The following IPO7 variants were observed in gnomAD, a reference collection of about 807,000 sequenced individuals.
The protein encoded by IPO7 is importin-7.
In IPO7, 13 loss-of-function variants were observed where a neutral mutation model predicts 136.4. The ratio of observed to expected loss-of-function variants is 0.10; its 90% CI spans 0.06 to 0.15. The LOEUF is 0.15. Ranked by LOEUF, IPO7 falls within the 10% of genes least tolerant of loss-of-function variation. IPO7 has a pLI of 1.00. For missense variants in IPO7, 857 were observed against 1,240.6 expected, an observed-to-expected ratio of 0.69 and a Z score of 4.65; for synonymous variants, 403 against 404.4, an observed-to-expected ratio of 1.00 and a Z score of 0.04.
chr11:9,408,566 A>T lies in IPO7; in HGVS notation c.247A>T (p.Ile83Phe), dbSNP rs763598868. 6.2e-7 allele frequency: 1 copy of T among 1,610,514 alleles called. No individual in the cohort carries two copies. The highest frequency in any genetic ancestry group is 8.5e-7 in the Non-Finnish European group (1 of 1,177,714). ...ACCAGGGGATATATCCCCTTATACTATTCCAGAAGAAGATCGCCATTGTAT... is the reference window on the plus strand; with the variant it reads ...ACCAGGGGATATATCCCCTTATACTTTTCCAGAAGAAGATCGCCATTGTAT... ...TAPGDISPYT[I>F]PEEDRHCIRE... The change falls in exon 3 of 25, where the codon ATT becomes TTT. Residue 83 changes from isoleucine to phenylalanine, a missense_variant. Ile to Phe is a conservative substitution (Grantham distance 21). Around this residue, in one of 11 missense-constraint regions of IPO7, gnomAD observed 287 missense variants for 307.5 expected, o/e 0.93. Transcript: ENST00000379719.
chr11:9,440,806 G>T, intron 23 of IPO7, 145 bp downstream of exon 23: 2 of 609,916 alleles, frequency 3.3e-6, no homozygotes, highest in Non-Finnish European at 5.8e-6. Context: ...TATTTCTAAG[G>T]TTGCCATAGT....
intron 1 of IPO7, among the ~76,000 whole-genome samples, chr11:9,400,221 A>C (rs1854773531): frequency 6.6e-6 from 1 of 152,118 alleles, no homozygotes; most frequent in Non-Finnish European, 1.5e-5. Context: ...AACATTTTCC[A>C]TCTGTGGTTG....
intron 1 of IPO7, among the ~76,000 whole-genome samples, chr11:9,390,295 G>GT (rs1235921901): frequency 0.051 from 7,313 of 142,618 alleles, 545 homozygotes; most frequent in African/African-American, 0.17. Flanking sequence ...GTGTGTGTGT[G>GT]TTTTTTTTTT....
At chr11:9,410,135 T>TG (rs1854948693) in intron 4 of IPO7, 49 bp downstream of exon 4, 1 of 1,333,244 alleles carries the variant, frequency 7.5e-7, no homozygotes, top group East Asian at 2.7e-5. Context: ...TAGGAAAAGT[T>TG]GGGAAAATTT....
At chr11:9,403,024 A>C in intron 1 of IPO7, 1 of 361,292 alleles carries the variant, frequency 2.8e-6, no homozygotes, top group Non-Finnish European at 5.0e-6. Flanking sequence ...TCTGTCTCAA[A>C]AATTAAAGAA....
At chr11:9,441,855 G>C (rs542388329) in intron 23 of IPO7, among the ~76,000 whole-genome samples, 1 of 152,164 alleles carries the variant, frequency 6.6e-6, no homozygotes, top group Admixed American at 6.5e-5. Flanking sequence ...GAGATGGATC[G>C]TAAGAATGAT....
At chr11:9,429,539 GC>G in intron 14 of IPO7, 134 bp from the exon 15 acceptor site, 2 of 547,156 alleles carry the variant, frequency 3.7e-6, no homozygotes, top group Non-Finnish European at 6.2e-6. Context: ...ATTGTAAAAA[GC>G]CATAATCCTA....
chr11:9,423,742 T>G, intron 9 of IPO7, 35 bp from the exon 10 acceptor site: 1 of 1,333,598 alleles, frequency 7.5e-7, no homozygotes, highest in South Asian at 1.3e-5. Flanking sequence ...ATTTGAAAAC[T>G]GATGGTTATT....
rs188402513 is a variant in IPO7 at position 9,393,191 on chromosome 11, C to T, written c.84+8344C>T. Among the ~76,000 whole-genome samples the T allele has an allele frequency of 3.5e-4, 53 of 152,210 alleles. 2 individuals carry two copies. The highest frequency in any genetic ancestry group is 3.3e-3 in the Admixed American group (50 of 15,256). On this transcript the variant is annotated intron_variant, in intron 1 of 24. Transcript: ENST00000379719. ...TGGAAAAGTGATATTCTTCTGCAGG[C>T]AGGTGATTACAGTAGTATGATCCAA...
chr11:9,408,221 A>T (rs968943414), intron 2 of IPO7, among the ~76,000 whole-genome samples: 3 of 148,908 alleles, frequency 2.0e-5, no homozygotes, highest in African/African-American at 4.9e-5. Flanking sequence ...TTGTGACGTT[A>T]AAAAAAAACA....
chr11:9,422,005 C>T (rs929632211), intron 8 of IPO7, among the ~76,000 whole-genome samples: 6 of 152,030 alleles, frequency 3.9e-5, no homozygotes, highest in African/African-American at 9.7e-5. Context: ...CTTGGCCGGG[C>T]GCGGTGGCTC....
chr11:9,442,927 G>A (rs539467139), intron 24 of IPO7, among the ~76,000 whole-genome samples: 2 of 152,226 alleles, frequency 1.3e-5, no homozygotes, highest in Admixed American at 1.3e-4. Context: ...GGAGGCTGAG[G>A]CAGGAAAATT....
intron 2 of IPO7, 108 bp from the exon 3 acceptor site, chr11:9,408,378 G>C: frequency 1.7e-6 from 1 of 588,168 alleles, no homozygotes; most frequent in Non-Finnish European, 2.7e-6. Context: ...TGAAAGCATA[G>C]CTTTACAAAC....
chr11:9,386,667 A>G (rs1854555692), intron 1 of IPO7, among the ~76,000 whole-genome samples: 1 of 152,212 alleles, frequency 6.6e-6, no homozygotes, highest in Admixed American at 6.5e-5. Flanking sequence ...TCAAATAGAC[A>G]TTACATGTCT....
At chr11:9,410,216 A>ATT in intron 4 of IPO7, 130 bp downstream of exon 4, 1 of 595,144 alleles carries the variant, frequency 1.7e-6, no homozygotes, top group Admixed American at 4.2e-5. Flanking sequence ...GGTAATTTCA[A>ATT]TTTATTATTT....
At chr11:9,440,330 A>G in intron 22 of IPO7, 125 bp from the exon 23 acceptor site, 1 of 773,870 alleles carries the variant, frequency 1.3e-6, no homozygotes, top group Non-Finnish European at 2.1e-6. Flanking sequence ...TTAAACACCA[A>G]TTCCTGGAGC....
chr11:9,438,421 T>G (rs1420450587), intron 22 of IPO7, 136 bp downstream of exon 22: 13 of 627,726 alleles, frequency 2.1e-5, no homozygotes, highest in Non-Finnish European at 3.4e-5. Context: ...GGTCAGGAGT[T>G]CGAGACCAGC....
intron 23 of IPO7, 122 bp downstream of exon 23, chr11:9,440,783 A>G: frequency 2.9e-6 from 2 of 686,372 alleles, no homozygotes; most frequent in African/African-American, 1.8e-5. Flanking sequence ...TGGTTAGGCA[A>G]AGTAACCAAA....
At chr11:9,402,691 C>T (rs1458011330) in intron 1 of IPO7, 1 of 152,648 alleles carries the variant, frequency 6.6e-6, no homozygotes, top group Non-Finnish European at 1.5e-5. Flanking sequence ...AACCCCGTCT[C>T]TACTAAAAAA....
Sources: allele counts gnomAD v4.1 joint callset (sites outside exome capture counted in the v4.1 genomes callset), GRCh38; gene constraint gnomAD v4.1.1; regional missense constraint gnomAD v4.1.1; transcripts MANE v1.5; gene names NCBI Gene and HGNC (gene_info 2026-07-23, HGNC 2026-07-21).